The following CA10 variants were observed in gnomAD, a reference collection of about 807,000 sequenced individuals.
CA10 encodes the protein carbonic anhydrase 10 (inactive).
A neutral mutation model predicts 44.2 loss-of-function variants in CA10; 14 were observed. The observed-to-expected ratio is 0.32, with a 90% CI of 0.21 to 0.50. The LOEUF is 0.50. Among genes scored for constraint, CA10 ranks in the 20% least tolerant of loss-of-function variants. CA10 has a pLI of 0.99. For missense variants in CA10, 350 were observed against 409.7 expected (o/e 0.85, Z 1.26); for synonymous variants, 159 against 141.6 (o/e 1.12, Z -0.87).
At chr17:52,022,556 C>A (rs907428993) in intron 2 of CA10, among the ~76,000 whole-genome samples, 4 of 152,036 alleles carry the variant, frequency 2.6e-5, no homozygotes, top group African/African-American at 9.7e-5. Context: ...TAGAACAAGA[C>A]AAGGATGCCA....
At chr17:52,066,567 C>T (rs1988522) in intron 2 of CA10, among the ~76,000 whole-genome samples, 150,603 of 152,336 alleles carry the variant, frequency 0.99, 74,465 homozygotes, top group East Asian at 1. Flanking sequence ...TTGCCTGCTG[C>T]CATGTAAGAC....
At chr17:52,143,585 A>G (rs920162734) in intron 1 of CA10, among the ~76,000 whole-genome samples, 4 of 152,236 alleles carry the variant, frequency 2.6e-5, no homozygotes, top group Non-Finnish European at 4.4e-5. Flanking sequence ...CCCAAATGCA[A>G]AAAGTGATGA....
intron 2 of CA10, among the ~76,000 whole-genome samples, chr17:51,966,568 T>C (rs1454324366): frequency 6.6e-6 from 1 of 151,790 alleles, no homozygotes; most frequent in Non-Finnish European, 1.5e-5. Flanking sequence ...TATGAACATC[T>C]AATTTTCAAT....
In CA10 at chr17:51,938,724, G is replaced by C. The variant is rs137906701; in HGVS notation, c.137-7592C>G. ...CCAAAAGCACATCACTAAAGGTAAA[G>C]AGAAAGGAGGAAGAGGGAATTCTCT... On this transcript the variant is annotated intron_variant, in intron 2 of 8. Coordinates refer to ENST00000451037, the MANE Select transcript of CA10 (RefSeq NM_020178.5). Among the ~76,000 whole-genome samples the C allele has an allele frequency of 4.1e-3, 621 of 152,194 alleles. 5 individuals are homozygous for C. The highest frequency in any genetic ancestry group is 4.4e-3 in the Non-Finnish European group (297 of 67,986).
chr17:51,714,429 A>G (rs1374197359), intron 4 of CA10, among the ~76,000 whole-genome samples: 1 of 152,216 alleles, frequency 6.6e-6, no homozygotes, highest in African/African-American at 2.4e-5. Flanking sequence ...CAGTGTATAA[A>G]AAGGGCCAAG....
intron 1 of CA10, among the ~76,000 whole-genome samples, chr17:52,154,828 CA>C (rs1208775917): frequency 1.3e-5 from 2 of 152,210 alleles, no homozygotes; most frequent in Admixed American, 6.5e-5. Context: ...CCTGGCCAAA[CA>C]GTCTCATTTT....
At chr17:51,978,382 A>ATGTGTGTGTGTG (rs56108471) in intron 2 of CA10, among the ~76,000 whole-genome samples, 11 of 142,008 alleles carry the variant, frequency 7.7e-5, no homozygotes, top group South Asian at 2.3e-4. Context: ...GTGTGTCTGT[A>ATGTGTGTGTGTG]TGTGTGTGTG....
In CA10 at chr17:52,035,591, C is replaced by A. The variant is rs565210095; in HGVS notation, c.136+36728G>T. ...ACTCACTGAGCTGTTAACATTTAAGCCATCCACAGATGGCAGTGCTAAAAG... is the reference window on the plus strand; with the variant it reads ...ACTCACTGAGCTGTTAACATTTAAGACATCCACAGATGGCAGTGCTAAAAG... On this transcript the variant is annotated intron_variant, in intron 2 of 8. Transcript: ENST00000451037. 2.6e-4 allele frequency among the ~76,000 whole-genome samples: 39 copies of A among 152,350 alleles called. No individual in the cohort carries two copies. In the South Asian group the frequency reaches 8.1e-3, roughly 32 times the overall value.
intron 3 of CA10, among the ~76,000 whole-genome samples, chr17:51,776,965 G>A (rs1161041296): frequency 6.6e-6 from 1 of 152,210 alleles, no homozygotes; most frequent in Admixed American, 6.5e-5. Flanking sequence ...GAGGAAGCCA[G>A]AGGCAGTTGG....
intron 2 of CA10, among the ~76,000 whole-genome samples, chr17:51,976,595 T>G (rs1241432885): frequency 7.9e-6 from 1 of 126,712 alleles, no homozygotes; most frequent in Non-Finnish European, 1.8e-5. Flanking sequence ...TAGAATGCAG[T>G]TAAAGCAGTT....
At chr17:51,802,043 T>C (rs994053480) in intron 3 of CA10, among the ~76,000 whole-genome samples, 2 of 152,304 alleles carry the variant, frequency 1.3e-5, no homozygotes, top group East Asian at 3.9e-4. Flanking sequence ...TTATTCTTCA[T>C]CTGGGTTCCA....
At position 51,878,893 on chromosome 17, in the gene CA10, G is replaced by GT. The variant is rs1555608413; in HGVS notation, c.279+52096_279+52097insA. 2.1e-4 allele frequency among the ~76,000 whole-genome samples: 11 copies of GT among 52,354 alleles called. 1 individual carries two copies. Among genetic ancestry groups the GT allele is most frequent in the Middle Eastern group, 0.013 (1 of 80 alleles). 34.3% of individuals were successfully genotyped at this position (52,354 alleles called of 152,430 possible). On this transcript the variant is annotated intron_variant, in intron 3 of 8. Coordinates refer to ENST00000451037, the MANE Select transcript of CA10 (RefSeq NM_020178.5). ...ATATATATATATATATATATATATG[G>GT]GTGTGTGTGTGTGTGTGTGTATGTG...
intron 3 of CA10, among the ~76,000 whole-genome samples, chr17:51,874,702 T>C (rs1979974343): frequency 6.6e-6 from 1 of 152,188 alleles, no homozygotes; most frequent in Non-Finnish European, 1.5e-5. Flanking sequence ...AGCCCACTAT[T>C]AGAATTAACC....
intron 3 of CA10, among the ~76,000 whole-genome samples, chr17:51,752,083 C>T (rs927515807): frequency 6.6e-6 from 1 of 152,062 alleles, no homozygotes; most frequent in Non-Finnish European, 1.5e-5. Flanking sequence ...CGAGATGCAA[C>T]ACCCCCTTTT....
At chr17:51,904,789 T>G (rs1421407768) in intron 3 of CA10, among the ~76,000 whole-genome samples, 1 of 152,118 alleles carries the variant, frequency 6.6e-6, no homozygotes, top group Non-Finnish European at 1.5e-5. Context: ...CTGCTTCTGC[T>G]TCTCATGCCT....
chr17:51,776,508 C>CA (rs1208599522), intron 3 of CA10, among the ~76,000 whole-genome samples: 1 of 152,014 alleles, frequency 6.6e-6, no homozygotes, highest in Non-Finnish European at 1.5e-5. Flanking sequence ...AACAGGTAGT[C>CA]AAAATAAAAA....
intron 2 of CA10, among the ~76,000 whole-genome samples, chr17:51,954,177 A>G (rs1294381543): frequency 6.6e-6 from 1 of 152,166 alleles, no homozygotes; most frequent in East Asian, 1.9e-4. Flanking sequence ...GACTTTTTAA[A>G]CTAAAGTGTT....
rs149223433 is a variant in CA10, at chr17:51,681,538, C to A, written c.466-27802G>T. ...GTAGGATGTCTAGTAGTATCCCTGG[C>A]CTCTACCCACTAGAGACGCCAGTAG... On this transcript the variant is annotated intron_variant, in intron 4 of 8. Coordinates refer to ENST00000451037, the MANE Select transcript of CA10 (RefSeq NM_020178.5). 3.7e-3 allele frequency among the ~76,000 whole-genome samples: 566 copies of A among 152,238 alleles called. 4 individuals carry two copies. Among genetic ancestry groups the A allele is most frequent in the African/African-American group, 0.013 (520 of 41,528 alleles).
chr17:52,047,007 T>C (rs1986930633), intron 2 of CA10, among the ~76,000 whole-genome samples: 1 of 151,978 alleles, frequency 6.6e-6, no homozygotes, highest in African/African-American at 2.4e-5. Flanking sequence ...CATATGTTCA[T>C]ACACGGACTT....
Sources: gnomAD v4.1 joint callset for allele counts (sites outside exome capture counted in the v4.1 genomes callset) on GRCh38, gnomAD v4.1.1 for gene constraint, MANE v1.5 for transcripts, NCBI Gene and HGNC (gene_info 2026-07-23, HGNC 2026-07-21) for gene names.